Variants in MAN1A1 observed in about 807,000 individuals in gnomAD.
MAN1A1 encodes the protein mannosyl-oligosaccharide 1,2-alpha-mannosidase IA.
A neutral mutation model predicts 70.8 loss-of-function variants in MAN1A1; 29 were observed. The observed-to-expected ratio is 0.41, with a 90% CI of 0.31 to 0.56. The LOEUF (loss-of-function observed/expected upper bound fraction) is 0.56. Among genes scored for constraint, MAN1A1 ranks in the 20% least tolerant of loss-of-function variants. MAN1A1 has a pLI of 0.29. For missense variants in MAN1A1, 747 were observed against 841.3 expected, an observed-to-expected ratio of 0.89 and a Z score of 1.39; for synonymous variants, 349 against 330.1, an observed-to-expected ratio of 1.06 and a Z score of -0.62.
chr6:119,180,503 C>T, intron 11 of MAN1A1, 76 bp from the exon 12 acceptor site: 1 of 799,418 alleles, frequency 1.3e-6, no homozygotes, highest in Non-Finnish European at 2.1e-6. Flanking sequence ...ATTAGATTGT[C>T]AAGTTCAGAT....
chr6:119,331,050 T>C (rs1304089046), intron 2 of MAN1A1, among the ~76,000 whole-genome samples: 1 of 152,140 alleles, frequency 6.6e-6, no homozygotes, highest in Non-Finnish European at 1.5e-5. Flanking sequence ...AGGAGGGTTG[T>C]TGGAAGTGAT....
At chr6:119,338,986 C>T (rs1447216615) in intron 2 of MAN1A1, among the ~76,000 whole-genome samples, 1 of 152,172 alleles carries the variant, frequency 6.6e-6, no homozygotes, top group African/African-American at 2.4e-5. Context: ...ACTCCTTAGG[C>T]CTCCAAGCTC....
In MAN1A1 at chr6:119,348,668, C is replaced by G. The variant is rs1478841127; in HGVS notation, c.398G>C (p.Arg133Thr). 1 of 1,612,646 alleles carries G rather than the reference C, an allele frequency of 6.2e-7. No individual in the cohort carries two copies. Among genetic ancestry groups the G allele is most frequent in the Non-Finnish European group, 8.5e-7 (1 of 1,179,424 alleles). ...RIRENHERAL[R>T]EAKETLQKLP... ...CTTCTGCAGGGTCTCCTTGGCTTCC[C>G]TGAGAGCCCGCTCGTGGTTTTCGCG... The change falls in exon 2 of 13, where the codon AGG becomes ACG. Residue 133 changes from arginine (R) to threonine (T), a missense_variant. Arg to Thr is a moderately conservative substitution (Grantham distance 71). This residue lies in a region of MAN1A1 where 328 missense variants were observed against 293.1 expected (regional missense o/e 1.12). Transcript: ENST00000368468.
At chr6:119,188,858 T>C (rs73767277) in intron 10 of MAN1A1, among the ~76,000 whole-genome samples, 2,384 of 152,326 alleles carry the variant, frequency 0.016, 51 homozygotes, top group African/African-American at 0.052. Context: ...GGTGTTATAC[T>C]GTATTGTTTA....
chr6:119,179,790 T>C lies in MAN1A1; in HGVS notation c.*29A>G, dbSNP rs756101655. 9.4e-6 allele frequency: 15 copies of C among 1,594,536 alleles called. No homozygotes were observed. The highest frequency in any genetic ancestry group is 1.7e-6 in the Non-Finnish European group (2 of 1,163,536). ...TTATTAAGGTATACAGTGAAGGGAA[T>C]GGAGCAGAATAAAATATAAAATGTC... On this transcript the variant is annotated 3_prime_UTR_variant, in exon 13 of 13. Coordinates refer to ENST00000368468, the MANE Select transcript of MAN1A1 (RefSeq NM_005907.4).
At chr6:119,245,749 G>T (rs758304900) in intron 6 of MAN1A1, among the ~76,000 whole-genome samples, 20 of 152,038 alleles carry the variant, frequency 1.3e-4, no homozygotes, top group Admixed American at 6.6e-4. Flanking sequence ...GCTGCCAAAT[G>T]GTTGCTCAAT....
intron 5 of MAN1A1, among the ~76,000 whole-genome samples, chr6:119,276,984 T>C (rs143400758): frequency 5.4e-4 from 83 of 152,338 alleles, no homozygotes; most frequent in African/African-American, 2.0e-3. Flanking sequence ...GCCTATCCTA[T>C]TAAAGCTCTG....
intron 2 of MAN1A1, among the ~76,000 whole-genome samples, chr6:119,323,835 C>G (rs902723889): frequency 2.0e-5 from 3 of 152,060 alleles, no homozygotes; most frequent in Non-Finnish European, 4.4e-5. Flanking sequence ...GAAGAATACC[C>G]TAAATTCTAA....
At chr6:119,344,887 A>G (rs547556924) in intron 2 of MAN1A1, among the ~76,000 whole-genome samples, 6 of 152,360 alleles carry the variant, frequency 3.9e-5, no homozygotes, top group Non-Finnish European at 8.8e-5. Flanking sequence ...AAAATACTAA[A>G]GTCTTGTTTT....
Position 119,348,795 on chromosome 6 carries a change from C to T in MAN1A1, c.271G>A (p.Gly91Arg), listed in dbSNP as rs1342238133. 7 of 1,423,178 alleles carry T rather than the reference C, an allele frequency of 4.9e-6. No individual in the cohort carries two copies. Among genetic ancestry groups the T allele is most frequent in the African/African-American group, 1.5e-5 (1 of 67,488 alleles). 88.2% of individuals were successfully genotyped at this position (1,423,178 alleles called of 1,614,324 possible). A position where few individuals can be genotyped will look rare whatever the true frequency, so the allele number is the denominator to read the frequency against. ...QPAADHKPGP[G>R]ARAEDAAEGR... ...TCGGCCGCGTCCTCGGCGCGCGCCC[C>T]GGGCCCGGGCTTGTGGTCGGCGGCC... Residue 91 changes from glycine (G) to arginine (R), a missense_variant, in exon 2 of 13, where the codon GGG becomes AGG. This residue lies in a region of MAN1A1 where 328 missense variants were observed against 293.1 expected (regional missense o/e 1.12). Transcript: ENST00000368468.
At chr6:119,275,034 A>G (rs1261181429) in intron 5 of MAN1A1, among the ~76,000 whole-genome samples, 2 of 152,134 alleles carry the variant, frequency 1.3e-5, no homozygotes, top group African/African-American at 4.8e-5. Context: ...GAGTGTGATT[A>G]TGGTTTAGTT....
At chr6:119,203,547 G>A (rs904203511) in intron 7 of MAN1A1, among the ~76,000 whole-genome samples, 1 of 152,016 alleles carries the variant, frequency 6.6e-6, no homozygotes, top group African/African-American at 2.4e-5. Flanking sequence ...GGTGAGGAAG[G>A]GGTGGTCAGG....
intron 2 of MAN1A1, chr6:119,331,813 A>T: frequency 3.6e-6 from 1 of 274,774 alleles, no homozygotes; most frequent in South Asian, 3.0e-5. Context: ...AGTGACTGCA[A>T]CAGGAGTCCT....
At chr6:119,285,349 C>T (rs1478975610) in intron 5 of MAN1A1, among the ~76,000 whole-genome samples, 1 of 152,018 alleles carries the variant, frequency 6.6e-6, no homozygotes, top group Non-Finnish European at 1.5e-5. Context: ...TGGAGGAAGG[C>T]ACCAAGCCAT....
chr6:119,240,208 TTTAAGCAACTCTCGGGATAAACTGCC>T (rs1774964013), intron 6 of MAN1A1, among the ~76,000 whole-genome samples: 1 of 152,170 alleles, frequency 6.6e-6, no homozygotes, highest in Non-Finnish European at 1.5e-5. Context: ...TAAAAAGGGA[TTTAAGCAACTCTCGGGATAAACTGCC>T]TCTAAATTCT....
At chr6:119,349,812 CG>C (rs1773855702), upstream of MAN1A1, 1 of 940,686 alleles carries the variant, frequency 1.1e-6, no homozygotes, top group Non-Finnish European at 1.3e-6. Context: ...GCGACGCGGC[CG>C]GAGAGTGACG....
chr6:119,259,354 C>T (rs1431418713), intron 5 of MAN1A1, among the ~76,000 whole-genome samples: 1 of 152,146 alleles, frequency 6.6e-6, no homozygotes, highest in Non-Finnish European at 1.5e-5. Flanking sequence ...CAATTAAACT[C>T]TATAGGTATG....
At chr6:119,280,693 CTT>C (rs1278377525) in intron 5 of MAN1A1, among the ~76,000 whole-genome samples, 6 of 152,056 alleles carry the variant, frequency 3.9e-5, no homozygotes, top group African/African-American at 1.4e-4. Context: ...AAAAAAATAA[CTT>C]TTGTTGAAAA....
rs1176986180 is a variant in MAN1A1, at chr6:119,285,369, A to T, written c.897+5314T>A. ...GAAGGCACCAAGCCATTCATAAGGG[A>T]TCTGGCCCCATGACCCAAACATCTC... On this transcript the variant is annotated intron_variant, in intron 5 of 12. Coordinates refer to ENST00000368468, the MANE Select transcript of MAN1A1 (RefSeq NM_005907.4). Among the ~76,000 whole-genome samples the T allele has an allele frequency of 2.6e-5, 4 of 152,068 alleles. No homozygotes were observed. The East Asian group carries it at 7.7e-4, about 29-fold the overall frequency.
Sources: allele counts gnomAD v4.1 joint callset (sites outside exome capture counted in the v4.1 genomes callset), GRCh38; gene constraint gnomAD v4.1.1; regional missense constraint gnomAD v4.1.1; transcripts MANE v1.5; gene names NCBI Gene and HGNC (gene_info 2026-07-23, HGNC 2026-07-21).